ZNF736: variants seen among roughly 807,000 people sequenced by gnomAD.
The protein encoded by ZNF736 is zinc finger protein 736.
Under a neutral mutation model 11.7 loss-of-function variants are expected in ZNF736, and 6 were observed. The ratio of observed to expected loss-of-function variants is 0.51; its 90% CI spans 0.28 to 1.01. The LOEUF (loss-of-function observed/expected upper bound fraction) is 1.01. Ranked by LOEUF, ZNF736 falls within the 50% of genes least tolerant of loss-of-function variation. ZNF736 has a pLI of 0.09. For missense variants in ZNF736, 444 were observed against 496.0 expected, an observed-to-expected ratio of 0.90 and a Z score of 1.00; for synonymous variants, 139 against 164.7, an observed-to-expected ratio of 0.84 and a Z score of 1.19.
At chr7:64,347,763 G>T (rs1370315942) in intron 3 of ZNF736, among the ~76,000 whole-genome samples, 2 of 152,166 alleles carry the variant, frequency 1.3e-5, no homozygotes, top group African/African-American at 4.8e-5. Flanking sequence ...TTTATTTTTG[G>T]AGGGGGTAGA....
intron 3 of ZNF736, among the ~76,000 whole-genome samples, chr7:64,342,954 C>T (rs1789358162): frequency 6.6e-6 from 1 of 151,910 alleles, no homozygotes; most frequent in Admixed American, 6.6e-5. Context: ...CCAAAGGTTG[C>T]CTTGCCTTTA....
chr7:64,318,499 A>G (rs1009588981), intron 1 of ZNF736, among the ~76,000 whole-genome samples: 4 of 152,088 alleles, frequency 2.6e-5, no homozygotes, highest in Non-Finnish European at 5.9e-5. Flanking sequence ...ATACTCATCT[A>G]AAGTTAAACT....
chr7:64,338,861 C>G (rs751129582), intron 3 of ZNF736, among the ~76,000 whole-genome samples: 9 of 151,772 alleles, frequency 5.9e-5, no homozygotes, highest in Non-Finnish European at 1.0e-4. Flanking sequence ...AATGAGATAG[C>G]TGAATTGTAT....
intron 1 of ZNF736, among the ~76,000 whole-genome samples, chr7:64,315,370 TG>T (rs1395653941): frequency 6.6e-6 from 1 of 151,876 alleles, no homozygotes; most frequent in Admixed American, 6.6e-5. Flanking sequence ...AACAAAAGGT[TG>T]TTTTTTTTTT....
rs554655431 is a variant in ZNF736 at position 64,338,287 on chromosome 7, A to G, written c.226+1305A>G. 4.7e-4 allele frequency among the ~76,000 whole-genome samples: 71 copies of G among 152,342 alleles called. 2 individuals carry two copies. In the South Asian group the frequency reaches 0.014, roughly 31 times the overall value. ...GTGTATTGATTTTGTATGTGTATAC[A>G]TAAAGAAATGATTAATACAATCAAA... On this transcript the variant is annotated intron_variant, in intron 3 of 3. Transcript: ENST00000423484.
chr7:64,349,027 G>A lies in ZNF736; in HGVS notation c.1164G>A (p.Lys388=). The A allele has an allele frequency of 6.2e-7, 1 of 1,603,974 alleles. No homozygotes were observed. Among genetic ancestry groups the A allele is most frequent in the African/African-American group, 1.3e-5 (1 of 74,632 alleles). ...FKCFSDLTNH[K]RIHTGEKPYK... ...GCTTCTCAGACCTGACTAATCATAA[G>A]AGAATTCACACTGGAGAGAAACCCT... Residue 388 remains lysine (K), a synonymous_variant, in exon 4 of 4, where the codon AAG becomes AAA. Coordinates refer to ENST00000423484, the MANE Select transcript of ZNF736 (RefSeq NM_001170905.3).
Position 64,314,022 on chromosome 7 carries a change from C to G in ZNF736, c.-129C>G. ...GCTTCCGGGCTCTGATCCTAGTTCG[C>G]GTCTCCACTGTTCCATCTCCTCCGT... On this transcript the variant is annotated 5_prime_UTR_variant, in exon 1 of 4. Transcript: ENST00000423484. 7.6e-7 allele frequency: 1 copy of G among 1,308,146 alleles called. No individual in the cohort carries two copies. The highest frequency in any genetic ancestry group is 1.1e-6 in the Non-Finnish European group (1 of 930,720). The allele number at this position is 1,308,146 out of a possible 1,614,324, so 81.0% of individuals were successfully genotyped here. A position where few individuals can be genotyped will look rare whatever the true frequency, so the allele number is the denominator to read the frequency against.
At chr7:64,319,892 T>C (rs754432362) in intron 1 of ZNF736, among the ~76,000 whole-genome samples, 1 of 152,288 alleles carries the variant, frequency 6.6e-6, no homozygotes, top group East Asian at 1.9e-4. Flanking sequence ...CATTTTTGTT[T>C]ACTGGAGGCC....
intron 1 of ZNF736, among the ~76,000 whole-genome samples, chr7:64,330,647 C>T (rs1026650230): frequency 3.3e-5 from 5 of 152,126 alleles, no homozygotes; most frequent in Non-Finnish European, 7.3e-5. Context: ...CACATGGCTG[C>T]AGCAGCTTGG....
At chr7:64,326,234 A>G (rs1419096024) in intron 1 of ZNF736, among the ~76,000 whole-genome samples, 1 of 152,246 alleles carries the variant, frequency 6.6e-6, no homozygotes, top group Non-Finnish European at 1.5e-5. Flanking sequence ...CAGGAGGTAC[A>G]CACAAGGCTT....
chr7:64,334,338 C>T (rs1789215707), intron 1 of ZNF736, among the ~76,000 whole-genome samples: 1 of 152,102 alleles, frequency 6.6e-6, no homozygotes, highest in Non-Finnish European at 1.5e-5. Context: ...GCAAAAGAAA[C>T]TGTCATCAGT....
At chr7:64,336,214 A>G (rs763944897) in intron 1 of ZNF736, 45 bp from the exon 2 acceptor site, 6 of 1,586,286 alleles carry the variant, frequency 3.8e-6, no homozygotes, top group Non-Finnish European at 5.2e-6. Flanking sequence ...TGTCAAATCA[A>G]GAATTCTTTC....
chr7:64,339,499 G>A (rs985619509), intron 3 of ZNF736, among the ~76,000 whole-genome samples: 5 of 151,886 alleles, frequency 3.3e-5, no homozygotes. Flanking sequence ...TCTTTTACTT[G>A]TGGATATTCA....
intron 1 of ZNF736, among the ~76,000 whole-genome samples, chr7:64,332,759 GTATTAA>G (rs1306030067): frequency 1.3e-5 from 2 of 151,960 alleles, no homozygotes; most frequent in African/African-American, 4.8e-5. Flanking sequence ...CTTTCCCAGG[GTATTAA>G]TATTAATATT....
intron 1 of ZNF736, among the ~76,000 whole-genome samples, chr7:64,320,358 G>A (rs1389390827): frequency 1.2e-4 from 18 of 152,154 alleles, no homozygotes; most frequent in Non-Finnish European, 2.4e-4. Context: ...GTCTATGGGA[G>A]TAGACAAGTT....
At chr7:64,328,952 G>T (rs1255944108) in intron 1 of ZNF736, among the ~76,000 whole-genome samples, 1 of 64,230 alleles carries the variant, frequency 1.6e-5, no homozygotes, top group Non-Finnish European at 3.0e-5. Flanking sequence ...CCCTCTTGAG[G>T]CTATTTTTTT....
At chr7:64,327,999 A>G (rs1226718119) in intron 1 of ZNF736, among the ~76,000 whole-genome samples, 2 of 152,188 alleles carry the variant, frequency 1.3e-5, no homozygotes, top group African/African-American at 4.8e-5. Context: ...AAGAGTTATT[A>G]CTTTTCATAA....
chr7:64,334,518 C>T (rs2115923645), intron 1 of ZNF736, among the ~76,000 whole-genome samples: 1 of 152,248 alleles, frequency 6.6e-6, no homozygotes, highest in Non-Finnish European at 1.5e-5. Flanking sequence ...GATATTTATG[C>T]AGCCAACAAA....
In ZNF736 at chr7:64,354,655, CTT is replaced by C. The variant is rs1489604372; in HGVS notation, c.*5510_*5511del. ...ATCACCTCAGAGATTATGAAAGTGA[CTT>C]TGATAAAATTTAATGGTGTTCACAA... is the stretch of plus-strand genomic sequence containing the variant. On this transcript the variant is annotated 3_prime_UTR_variant, in exon 4 of 4. Transcript: ENST00000423484. 1 of 152,108 alleles carries C rather than the reference CTT, an allele frequency of 6.6e-6. No individual in the cohort carries two copies. The highest frequency in any genetic ancestry group is 2.4e-5 in the African/African-American group (1 of 41,414). The allele number at this position is 152,108 out of a possible 1,614,324, so 9.4% of individuals were successfully genotyped here. A position where few individuals can be genotyped will look rare whatever the true frequency, so the allele number is the denominator to read the frequency against.
Sources: gnomAD v4.1 joint callset for allele counts (sites outside exome capture counted in the v4.1 genomes callset) on GRCh38, gnomAD v4.1.1 for gene constraint, MANE v1.5 for transcripts, NCBI Gene and HGNC (gene_info 2026-07-23, HGNC 2026-07-21) for gene names.